Variants in CDH18 observed in about 807,000 individuals in gnomAD.
The protein encoded by CDH18 is cadherin-18.
In CDH18, 31 loss-of-function variants were observed where a neutral mutation model predicts 67.9. The ratio of observed to expected loss-of-function variants is 0.46; its 90% CI spans 0.34 to 0.62. CDH18 has a LOEUF of 0.62. CDH18 is among the 20% of genes least tolerant of loss of function. The pLI is 0.01. For missense variants in CDH18, 890 were observed against 975.5 expected, an observed-to-expected ratio of 0.91 and a Z score of 1.17; for synonymous variants, 362 against 347.2, an observed-to-expected ratio of 1.04 and a Z score of -0.48.
intron 2 of CDH18, among the ~76,000 whole-genome samples, chr5:20,183,172 T>C (rs1164974299): frequency 6.6e-6 from 1 of 151,440 alleles, no homozygotes; most frequent in Non-Finnish European, 1.5e-5. Flanking sequence ...GTGTCTAGCA[T>C]AGAGCTAATT....
At chr5:20,200,793 A>G (rs553778108) in intron 2 of CDH18, among the ~76,000 whole-genome samples, 297 of 152,266 alleles carry the variant, frequency 2.0e-3, no homozygotes, top group African/African-American at 6.6e-3. Flanking sequence ...GCATCCCACA[A>G]TCCCACGATA....
chr5:19,995,237 T>C (rs1050360644), intron 2 of CDH18, among the ~76,000 whole-genome samples: 3 of 152,096 alleles, frequency 2.0e-5, no homozygotes, highest in African/African-American at 7.2e-5. Flanking sequence ...CCCAGTCACA[T>C]TGAAACATAT....
chr5:20,042,551 C>T (rs1016377030), intron 2 of CDH18, among the ~76,000 whole-genome samples: 2 of 152,104 alleles, frequency 1.3e-5, no homozygotes, highest in African/African-American at 4.8e-5. Context: ...TAGCATGTAA[C>T]AATCACTACA....
intron 1 of CDH18, among the ~76,000 whole-genome samples, chr5:20,554,217 C>T (rs1581192407): frequency 6.6e-6 from 1 of 152,078 alleles, no homozygotes; most frequent in Non-Finnish European, 1.5e-5. Context: ...TGTTGAAGCT[C>T]GAATGTGTGG....
chr5:19,798,082 A>T (rs766841280), intron 3 of CDH18, among the ~76,000 whole-genome samples: 4 of 152,028 alleles, frequency 2.6e-5, no homozygotes, highest in Non-Finnish European at 5.9e-5. Flanking sequence ...CCAGTGAAAG[A>T]TCCTAGTGGT....
intron 3 of CDH18, among the ~76,000 whole-genome samples, chr5:19,831,801 C>G (rs1362828033): frequency 6.6e-6 from 1 of 152,080 alleles, no homozygotes; most frequent in Non-Finnish European, 1.5e-5. Context: ...GACAAATACA[C>G]CCATATGTTC....
intron 4 of CDH18, among the ~76,000 whole-genome samples, chr5:19,742,965 T>C (rs1391192359): frequency 6.6e-6 from 1 of 152,244 alleles, no homozygotes; most frequent in Admixed American, 6.5e-5. Context: ...AAATGATTTT[T>C]ATTACATATT....
chr5:20,270,745 A>G (rs1745373919), intron 1 of CDH18, among the ~76,000 whole-genome samples: 1 of 152,174 alleles, frequency 6.6e-6, no homozygotes, highest in African/African-American at 2.4e-5. Flanking sequence ...AATGCCCATC[A>G]GTGGTAGACT....
At chr5:19,995,511 G>C (rs772614962) in intron 2 of CDH18, among the ~76,000 whole-genome samples, 10 of 149,724 alleles carry the variant, frequency 6.7e-5, no homozygotes, top group Non-Finnish European at 1.0e-4. Flanking sequence ...TAAATATAGA[G>C]TTGTTGAACC....
At chr5:20,314,256 G>C (rs1337411062) in intron 1 of CDH18, among the ~76,000 whole-genome samples, 5 of 151,948 alleles carry the variant, frequency 3.3e-5, no homozygotes, top group Non-Finnish European at 7.4e-5. Flanking sequence ...TTGCTACCAG[G>C]AAGGTGTATG....
intron 2 of CDH18, among the ~76,000 whole-genome samples, chr5:19,928,828 CAT>C (rs1377742105): frequency 2.0e-5 from 3 of 152,104 alleles, no homozygotes; most frequent in African/African-American, 2.4e-5. Context: ...AAGCTCTTCA[CAT>C]ATGTTATCTT....
intron 11 of CDH18, among the ~76,000 whole-genome samples, chr5:19,495,621 T>A (rs1271594948): frequency 1.4e-5 from 2 of 140,520 alleles, no homozygotes; most frequent in African/African-American, 2.7e-5. Context: ...ATGCCTGTAA[T>A]CCCAGCTACT....
chr5:20,351,305 T>C (rs1286065295), intron 1 of CDH18, among the ~76,000 whole-genome samples: 1 of 151,728 alleles, frequency 6.6e-6, no homozygotes, highest in African/African-American at 2.4e-5. Flanking sequence ...GGCAAGCACT[T>C]AGTACAGATT....
chr5:20,415,564 G>A (rs574355155), intron 1 of CDH18, among the ~76,000 whole-genome samples: 3 of 151,920 alleles, frequency 2.0e-5, no homozygotes, highest in African/African-American at 7.2e-5. Flanking sequence ...ACGAGGTCAG[G>A]AGATTGAGAC....
intron 1 of CDH18, among the ~76,000 whole-genome samples, chr5:20,347,956 CCTACTCTACT>C (rs1437406380): frequency 1.3e-5 from 2 of 152,166 alleles, no homozygotes; most frequent in Non-Finnish European, 2.9e-5. Flanking sequence ...CTTAATAAAT[CCTACTCTACT>C]CACTCTCCAA....
chr5:19,923,023 CATCTATTTCT>C (rs1477336865), intron 2 of CDH18, among the ~76,000 whole-genome samples: 1 of 151,948 alleles, frequency 6.6e-6, no homozygotes, highest in Non-Finnish European at 1.5e-5. Context: ...GTCTCTGTAC[CATCTATTTCT>C]ATCCGGTCAG....
At chr5:20,572,764 T>A (rs990511601) in intron 1 of CDH18, among the ~76,000 whole-genome samples, 1 of 152,150 alleles carries the variant, frequency 6.6e-6, no homozygotes. Context: ...TCTCAATTCT[T>A]GTTTCACAAT....
intron 1 of CDH18, among the ~76,000 whole-genome samples, chr5:20,341,377 C>T (rs984420565): frequency 6.6e-6 from 1 of 152,082 alleles, no homozygotes; most frequent in Non-Finnish European, 1.5e-5. Flanking sequence ...TTCCTGCCCT[C>T]TAACATTGGA....
chr5:19,603,032 T>C (rs1747410570), intron 6 of CDH18, among the ~76,000 whole-genome samples: 1 of 152,102 alleles, frequency 6.6e-6, no homozygotes, highest in African/African-American at 2.4e-5. Context: ...TCTGGATATA[T>C]ACTTAAAAGC....
Sources: gnomAD v4.1 joint callset for allele counts (sites outside exome capture counted in the v4.1 genomes callset) on GRCh38, gnomAD v4.1.1 for gene constraint, MANE v1.5 for transcripts, NCBI Gene and HGNC (gene_info 2026-07-23, HGNC 2026-07-21) for gene names.